Variants in VGLL1 observed in about 807,000 individuals in gnomAD.
The protein encoded by VGLL1 is vestigial like family member 1.
VGLL1 carries 4 observed loss-of-function variants against 12.0 expected under a neutral mutation model. That is an observed-to-expected ratio of 0.33 (90% CI 0.16 to 0.76). The LOEUF (loss-of-function observed/expected upper bound fraction) is 0.76, where lower values mean the gene tolerates loss of function less well. Ranked by LOEUF, VGLL1 falls within the 30% of genes least tolerant of loss-of-function variation. The pLI is 0.60. For missense variants in VGLL1, 204 were observed against 208.7 expected (o/e 0.98, Z 0.14); for synonymous variants, 87 against 81.2 (o/e 1.07, Z -0.39).
intron 2 of VGLL1, among the ~76,000 whole-genome samples, chrX:136,542,911 C>T (rs939946634): frequency 9.0e-5 from 10 of 111,610 alleles, no homozygotes; most frequent in Non-Finnish European, 1.7e-4. Flanking sequence ...GTGCCAGGCC[C>T]TTTGCTAGGG....
chrX:136,540,040 G>A (rs936408931), intron 2 of VGLL1, among the ~76,000 whole-genome samples: 3 of 111,448 alleles, frequency 2.7e-5, no homozygotes, highest in East Asian at 5.6e-4. Flanking sequence ...TCTCACCTCC[G>A]TTGTCACCTG....
intron 3 of VGLL1, among the ~76,000 whole-genome samples, chrX:136,549,791 A>T (rs2148533017): frequency 9.0e-6 from 1 of 111,660 alleles, no homozygotes; most frequent in East Asian, 2.8e-4. Flanking sequence ...TCCACCAAAA[A>T]ATCAACCTAC....
intron 2 of VGLL1, among the ~76,000 whole-genome samples, chrX:136,538,243 T>A (rs1334741712): frequency 8.9e-6 from 1 of 112,432 alleles, no homozygotes; most frequent in African/African-American, 3.2e-5. Context: ...CACTTTTGTC[T>A]TCATGGACCT....
At chrX:136,538,636 A>G (rs2148530120) in intron 2 of VGLL1, among the ~76,000 whole-genome samples, 1 of 112,767 alleles carries the variant, frequency 8.9e-6, no homozygotes, top group East Asian at 2.8e-4. Flanking sequence ...TTTTGTGTAA[A>G]GTGGACAAGT....
intron 4 of VGLL1, among the ~76,000 whole-genome samples, chrX:136,555,633 A>T (rs1367997892): frequency 8.9e-6 from 1 of 111,924 alleles, no homozygotes; most frequent in Non-Finnish European, 1.9e-5. Flanking sequence ...AAAGAAAGCT[A>T]ATAAGGACAC....
In VGLL1 at chrX:136,549,519, T is replaced by C. The variant is rs2075879673; in HGVS notation, c.634+511T>C. The stretch of plus-strand genomic sequence containing the variant: ...CGACTGTAGGAGGCAGCCCCATTGC[T>C]GCTTGGAGACCTAACAGTGCCTGAC... On this transcript the variant is annotated intron_variant, in intron 3 of 4. Transcript: ENST00000370634. 2.7e-5 allele frequency among the ~76,000 whole-genome samples: 3 copies of C among 110,799 alleles called. No individual in the cohort carries two copies. The Admixed American group carries it at 2.9e-4, about 11-fold the overall frequency.
intron 4 of VGLL1, among the ~76,000 whole-genome samples, chrX:136,551,725 T>C (rs994524293): frequency 9.0e-6 from 1 of 111,388 alleles, no homozygotes; most frequent in African/African-American, 3.3e-5. Flanking sequence ...CATTAAACCA[T>C]CAAGAATTCT....
At chrX:136,542,205 C>CT (rs3216850) in intron 2 of VGLL1, among the ~76,000 whole-genome samples, 13,417 of 107,496 alleles carry the variant, frequency 0.12, 787 homozygotes, top group Non-Finnish European at 0.17. Flanking sequence ...GAAATGCTGG[C>CT]TTTTTTTAAA....
intron 2 of VGLL1, among the ~76,000 whole-genome samples, chrX:136,542,399 C>T (rs867676114): frequency 4.9e-4 from 55 of 111,805 alleles, no homozygotes; most frequent in African/African-American, 1.8e-3. Context: ...CTTCAGTCCA[C>T]GAAATCCACT....
rs2075876672 is a variant in VGLL1, at chrX:136,548,779, C to T, written c.405C>T (p.Ser135=). The change falls in exon 3 of 5, where the codon TCC becomes TCT. Residue 135 remains serine (S), a synonymous_variant. Transcript: ENST00000370634. The stretch of plus-strand genomic sequence containing the variant: ...CTGGGGAGCTGTGGCATTTCTCCTC[C>T]CTGGCGGGCACCAGCTCCTTAGAGC... ...VRPGELWHFS[S]LAGTSSLEPG... The T allele has an allele frequency of 1.6e-6, 2 of 1,212,161 alleles. No individual in the cohort carries two copies. The highest frequency in any genetic ancestry group is 1.7e-5 in the African/African-American group (1 of 57,883).
chrX:136,553,769 C>T (rs764570214), intron 4 of VGLL1, among the ~76,000 whole-genome samples: 1 of 111,891 alleles, frequency 8.9e-6, no homozygotes. Flanking sequence ...CCTGCCCCTC[C>T]GATATGGCCC....
At chrX:136,552,116 G>A (rs146896579) in intron 4 of VGLL1, among the ~76,000 whole-genome samples, 314 of 111,689 alleles carry the variant, frequency 2.8e-3, no homozygotes, top group African/African-American at 9.4e-3. Flanking sequence ...CAAATTTGTT[G>A]AATAAATGAA....
At position 136,548,866 on chromosome X, in the gene VGLL1, A is replaced by G; in HGVS notation, c.492A>G (p.Lys164=). The G allele has an allele frequency of 1.6e-6, 2 of 1,212,144 alleles. No homozygotes were observed. Among genetic ancestry groups the G allele is most frequent in the Non-Finnish European group, 2.2e-6 (2 of 895,631 alleles). ...TTCCAGAGCCCCAGCCTGATGGGAA[A>G]CGTGAGCCTCTCCTAAGTCTCCTCC... ...HLVPEPQPDG[K]REPLLSLLQQ... is the part of the protein sequence containing the mutation. The change falls in exon 3 of 5, where the codon AAA becomes AAG. Residue 164 remains lysine (K), a synonymous_variant. Transcript: ENST00000370634.
At chrX:136,537,645 G>A (rs189504067) in intron 2 of VGLL1, among the ~76,000 whole-genome samples, 66 of 111,155 alleles carry the variant, frequency 5.9e-4, no homozygotes, top group African/African-American at 2.0e-3. Flanking sequence ...CTGCAGCCAC[G>A]AATTCCTGGG....
chrX:136,535,334 T>C (rs1382091201), intron 1 of VGLL1, among the ~76,000 whole-genome samples: 1 of 112,294 alleles, frequency 8.9e-6, no homozygotes, highest in Non-Finnish European at 1.9e-5. Flanking sequence ...ACAACATTGG[T>C]ATAAAAATGT....
At chrX:136,546,755 C>T (rs2075870679) in intron 2 of VGLL1, among the ~76,000 whole-genome samples, 1 of 112,618 alleles carries the variant, frequency 8.9e-6, no homozygotes, top group South Asian at 3.7e-4. Context: ...GCAGTACCCT[C>T]ATTCAATATG....
At chrX:136,553,800 T>C in intron 4 of VGLL1, among the ~76,000 whole-genome samples, 1 of 111,864 alleles carries the variant, frequency 8.9e-6, no homozygotes, top group Non-Finnish European at 1.9e-5. Flanking sequence ...ATGTGGGCTG[T>C]CATGCATCTA....
At chrX:136,532,334 A>G (rs2075824595) in intron 1 of VGLL1, 38 bp downstream of exon 1, 1 of 111,603 alleles carries the variant, frequency 9.0e-6, no homozygotes, top group Non-Finnish European at 1.9e-5. Context: ...GGGAGAAGCA[A>G]AGAAACTTAA....
rs370445099 is a variant in VGLL1 at position 136,536,237 on chromosome X, G to A, written c.214+3G>A. 2.3e-5 allele frequency: 28 copies of A among 1,204,996 alleles called. No individual in the cohort carries two copies. In the African/African-American group the frequency reaches 4.2e-4, roughly 18 times the overall value. ...TGAAGGTGTGATGCTGAAAAACGGT[G>A]AGCATGTGGGGAGGGAGGGAGCTGG... On this transcript the variant is annotated splice_donor_region_variant and intron_variant, in intron 2 of 4. Coordinates refer to ENST00000370634, the MANE Select transcript of VGLL1 (RefSeq NM_016267.4).
Sources: allele counts gnomAD v4.1 joint callset (sites outside exome capture counted in the v4.1 genomes callset), GRCh38; gene constraint gnomAD v4.1.1; transcripts MANE v1.5; gene names NCBI Gene and HGNC (gene_info 2026-07-23, HGNC 2026-07-21).